Variants in MDH1B observed in about 807,000 individuals in gnomAD.
MDH1B encodes the protein putative malate dehydrogenase 1B.
MDH1B carries 60 observed loss-of-function variants against 61.4 expected under a neutral mutation model. The ratio of observed to expected loss-of-function variants is 0.98; its 90% CI spans 0.79 to 1.21. The LOEUF (loss-of-function observed/expected upper bound fraction) is 1.21, where lower values mean the gene tolerates loss of function less well. Among genes scored for constraint, MDH1B ranks in the 50% most tolerant of loss-of-function variants. MDH1B has a pLI of 0.00. For synonymous variants in MDH1B, 236 were observed against 218.7 expected (o/e 1.08, Z -0.70); for missense variants, 587 against 632.1 (o/e 0.93, Z 0.76).
chr2:206,754,920 GT>G, intron 5 of MDH1B, 88 bp downstream of exon 5: 2 of 1,382,582 alleles, frequency 1.4e-6, no homozygotes, highest in Non-Finnish European at 9.9e-7. Context: ...TACTCAGAAT[GT>G]TCCTAGAGGG....
Position 206,738,551 on chromosome 2 carries a change from A to G in MDH1B, c.1529-40T>C, listed in dbSNP as rs756263388. 4.8e-6 allele frequency: 7 copies of G among 1,472,428 alleles called. 1 individual carries two copies. Among genetic ancestry groups the G allele is most frequent in the Non-Finnish European group, 6.6e-6 (7 of 1,067,794 alleles). 91.2% of individuals were successfully genotyped at this position (1,472,428 alleles called of 1,614,324 possible). ...GAATGAAAAGACATAACTATTTCCA[A>G]AATATGTTAGTAGCATATGTTATTA... On this transcript the variant is annotated intron_variant, in intron 11 of 11. Transcript: ENST00000374412.
At chr2:206,759,475 T>G (rs751988488) in intron 2 of MDH1B, among the ~76,000 whole-genome samples, 22 of 152,224 alleles carry the variant, frequency 1.4e-4, no homozygotes, top group Non-Finnish European at 2.6e-4. Context: ...AAAAGAATGA[T>G]TTATATTTTC....
chr2:206,755,233 A>T lies in MDH1B; in HGVS notation c.686T>A (p.Leu229His). 1 of 1,614,188 alleles carries T rather than the reference A, an allele frequency of 6.2e-7. No homozygotes were observed. Among genetic ancestry groups the T allele is most frequent in the Non-Finnish European group, 8.5e-7 (1 of 1,180,032 alleles). ...NKEVFTLEDC[L>H]RSRVPLCRLY... ...CCTGCAGAGAGGCACCCTGCTTCGG[A>T]GGCAGTCCTCCAGAGTGAACACCTC... Residue 229 changes from leucine (L) to histidine (H), a missense_variant, in exon 5 of 12, where the codon CTC (leucine) becomes CAC (histidine). Physicochemically the swap from Leu to His is moderately conservative, Grantham distance 99 (BLOSUM62 -3). Transcript: ENST00000374412.
intron 2 of MDH1B, among the ~76,000 whole-genome samples, chr2:206,759,425 A>G (rs1311622316): frequency 6.6e-6 from 1 of 152,100 alleles, no homozygotes; most frequent in African/African-American, 2.4e-5. Context: ...TGCTATTGTG[A>G]CTAGTGTTGC....
At chr2:206,761,772 G>C (rs924570871) in intron 1 of MDH1B, among the ~76,000 whole-genome samples, 3 of 151,990 alleles carry the variant, frequency 2.0e-5, no homozygotes, top group Admixed American at 6.6e-5. Flanking sequence ...GAGGGATGGG[G>C]AAAAATGCAG....
intron 2 of MDH1B, among the ~76,000 whole-genome samples, chr2:206,758,532 G>A (rs1320273935): frequency 6.6e-6 from 1 of 152,120 alleles, no homozygotes; most frequent in African/African-American, 2.4e-5. Flanking sequence ...TTGGGAGGCC[G>A]AGGCGGGGGG....
chr2:206,752,536 G>T (rs1688510012), intron 5 of MDH1B, among the ~76,000 whole-genome samples: 1 of 151,962 alleles, frequency 6.6e-6, no homozygotes, highest in Non-Finnish European at 1.5e-5. Flanking sequence ...CTCAGCTGCA[G>T]GTTGTAGGAG....
intron 8 of MDH1B, 69 bp downstream of exon 8, chr2:206,746,218 C>T: frequency 1.5e-6 from 2 of 1,337,268 alleles, no homozygotes; most frequent in Non-Finnish European, 2.0e-6. Context: ...CCAATGTATG[C>T]CTTGGCCTAG....
At chr2:206,747,165 A>AAACAAC (rs541464892) in intron 7 of MDH1B, among the ~76,000 whole-genome samples, 1 of 148,934 alleles carries the variant, frequency 6.7e-6, no homozygotes, top group African/African-American at 2.5e-5. Context: ...GCAAAAAAAC[A>AAACAAC]AACAACAACA....
chr2:206,763,513 C>A (rs1187586387), intron 1 of MDH1B, among the ~76,000 whole-genome samples: 1 of 152,110 alleles, frequency 6.6e-6, no homozygotes, highest in Admixed American at 6.5e-5. Flanking sequence ...TTTTGTCCCA[C>A]ACTATAGCCG....
In MDH1B at chr2:206,757,257, C is replaced by T. The variant is rs1688816659; in HGVS notation, c.250G>A (p.Glu84Lys). The change falls in exon 3 of 12, where the codon GAG becomes AAG. Residue 84 changes from glutamate to lysine, a missense_variant. Glu to Lys is a moderately conservative substitution (Grantham distance 56). Coordinates refer to ENST00000374412, the MANE Select transcript of MDH1B (RefSeq NM_001039845.3). ...TATACCTGAGCATGCTCCAGGAACTCATTATATCCTCCCAAAAGCAAACCC... is the reference window on the plus strand; with the variant it reads ...TATACCTGAGCATGCTCCAGGAACTTATTATATCCTCCCAAAAGCAAACCC... ...GKGLLLGGYNEFLEHAQLYYD... is the reference protein window; with the variant it reads ...GKGLLLGGYNKFLEHAQLYYD... 6.2e-7 allele frequency: 1 copy of T among 1,613,744 alleles called. No individual in the cohort carries two copies. The highest frequency in any genetic ancestry group is 1.7e-5 in the Admixed American group (1 of 60,006).
intron 2 of MDH1B, among the ~76,000 whole-genome samples, chr2:206,758,021 A>G (rs1688863669): frequency 6.6e-6 from 1 of 152,212 alleles, no homozygotes. Flanking sequence ...CCTTACCAAT[A>G]AAATCCTGGA....
Position 206,738,526 on chromosome 2 carries a change from G to T in MDH1B, c.1529-15C>A. On this transcript the variant is annotated splice_polypyrimidine_tract_variant and intron_variant, in intron 11 of 11. Coordinates refer to ENST00000374412, the MANE Select transcript of MDH1B (RefSeq NM_001039845.3). The stretch of plus-strand genomic sequence containing the variant: ...GCCTTCAAATTCTGTAAAAGGAAAA[G>T]AATGAAAAGACATAACTATTTCCAA... 6.4e-7 allele frequency: 1 copy of T among 1,569,910 alleles called. No individual in the cohort carries two copies. The highest frequency in any genetic ancestry group is 8.7e-7 in the Non-Finnish European group (1 of 1,150,876).
intron 2 of MDH1B, among the ~76,000 whole-genome samples, chr2:206,758,041 C>T (rs936537091): frequency 2.9e-4 from 44 of 152,284 alleles, no homozygotes; most frequent in African/African-American, 1.0e-3. Context: ...AAACTGATTT[C>T]CTTGCTAATA....
At chr2:206,742,034 G>T (rs1056348036) in intron 9 of MDH1B, among the ~76,000 whole-genome samples, 2 of 121,912 alleles carry the variant, frequency 1.6e-5, no homozygotes. Flanking sequence ...ACCATATGTG[G>T]TGAACAAAGG....
At position 206,751,928 on chromosome 2, in the gene MDH1B, G is replaced by T. The variant is rs574240580; in HGVS notation, c.911-853C>A. 3.2e-4 allele frequency among the ~76,000 whole-genome samples: 48 copies of T among 152,306 alleles called. 1 individual carries two copies. The highest frequency in any genetic ancestry group is 1.1e-3 in the African/African-American group (47 of 41,558). ...AGTCCACACCACTTCTTACTGTGGAGATTAACTTCTTCCCTCTTCTCCTGT... is the reference window on the plus strand; with the variant it reads ...AGTCCACACCACTTCTTACTGTGGATATTAACTTCTTCCCTCTTCTCCTGT... On this transcript the variant is annotated intron_variant, in intron 5 of 11. Transcript: ENST00000374412.
At chr2:206,754,500 G>A (rs59577215) in intron 5 of MDH1B, among the ~76,000 whole-genome samples, 17,882 of 152,072 alleles carry the variant, frequency 0.12, 1,468 homozygotes, top group African/African-American at 0.24. Flanking sequence ...TTTATTATGT[G>A]CCATACACTC....
intron 10 of MDH1B, 113 bp from the exon 11 acceptor site, chr2:206,739,774 T>C (rs919941177): frequency 1.1e-6 from 1 of 886,408 alleles, no homozygotes; most frequent in South Asian, 1.5e-5. Context: ...TCTGAATGCA[T>C]TGCTCTCCTA....
intron 1 of MDH1B, among the ~76,000 whole-genome samples, chr2:206,764,547 T>A (rs1689313636): frequency 6.6e-6 from 1 of 152,164 alleles, no homozygotes; most frequent in Non-Finnish European, 1.5e-5. Context: ...CATGGATTGT[T>A]GTAATAAAAG....
Sources: allele counts gnomAD v4.1 joint callset (sites outside exome capture counted in the v4.1 genomes callset), GRCh38; gene constraint gnomAD v4.1.1; transcripts MANE v1.5; gene names NCBI Gene and HGNC (gene_info 2026-07-23, HGNC 2026-07-21).